PCLO: variants seen among roughly 807,000 people sequenced by gnomAD.
PCLO encodes protein piccolo.
In PCLO, 82 loss-of-function variants were observed where a neutral mutation model predicts 427.5. The ratio of observed to expected loss-of-function variants is 0.19; its 90% CI spans 0.16 to 0.23. PCLO has a LOEUF of 0.23. Ranked by LOEUF, PCLO falls within the 10% of genes least tolerant of loss-of-function variation. The pLI is 1.00. For synonymous variants in PCLO, 2,357 were observed against 2,155.4 expected, an observed-to-expected ratio of 1.09 and a Z score of -2.59; for missense variants, 6,239 against 6,115.9, an observed-to-expected ratio of 1.02 and a Z score of -0.67.
chr7:82,811,813 T>C (rs1049769336), intron 20 of PCLO, among the ~76,000 whole-genome samples: 3 of 151,540 alleles, frequency 2.0e-5, no homozygotes, highest in Non-Finnish European at 4.4e-5. Context: ...GAAACTCTGA[T>C]ATCTCTATCA....
intron 10 of PCLO, among the ~76,000 whole-genome samples, chr7:82,847,620 G>A (rs4483093): frequency 0.017 from 2,650 of 152,180 alleles, 88 homozygotes; most frequent in African/African-American, 0.06. Flanking sequence ...ATTTTCCTGC[G>A]GGGAACAAGC....
At chr7:82,979,680 A>G (rs6949577) in intron 3 of PCLO, among the ~76,000 whole-genome samples, 4,266 of 152,220 alleles carry the variant, frequency 0.028, 208 homozygotes, top group African/African-American at 0.098. Flanking sequence ...GCAATCTGAG[A>G]AAGTATAGAT....
At chr7:82,823,195 A>G (rs1349723361) in intron 19 of PCLO, among the ~76,000 whole-genome samples, 2 of 152,186 alleles carry the variant, frequency 1.3e-5, no homozygotes, top group African/African-American at 2.4e-5. Flanking sequence ...GTTAAGCAAG[A>G]TAAGAGTTGA....
intron 3 of PCLO, among the ~76,000 whole-genome samples, chr7:83,032,761 T>A (rs1300728980): frequency 6.6e-6 from 1 of 152,144 alleles, no homozygotes; most frequent in African/African-American, 2.4e-5. Context: ...CTTTTCTTTA[T>A]ACCCCACATC....
chr7:82,850,118 C>T (rs1224808518), intron 10 of PCLO, among the ~76,000 whole-genome samples: 1 of 152,092 alleles, frequency 6.6e-6, no homozygotes, highest in South Asian at 2.1e-4. Context: ...AAGTGATTCT[C>T]CTGCCTTAGG....
chr7:82,852,452 C>T (rs904310155), intron 10 of PCLO, among the ~76,000 whole-genome samples: 2 of 152,114 alleles, frequency 1.3e-5, no homozygotes, highest in Non-Finnish European at 2.9e-5. Context: ...CTGAGTCTTC[C>T]GGCCTTCATC....
rs1427253306 is a variant in PCLO, at chr7:83,038,072, T to TA, written c.3301-71586_3301-71585insT. On this transcript the variant is annotated intron_variant, in intron 3 of 24. Transcript: ENST00000333891. ...ATATCTTTATATATATATTTATATA[T>TA]TTATATATATATCTTTATATATATA... 1.3e-3 allele frequency among the ~76,000 whole-genome samples: 76 copies of TA among 58,840 alleles called. 2 individuals are homozygous for TA. Among genetic ancestry groups the TA allele is most frequent in the African/African-American group, 4.3e-3 (70 of 16,092 alleles). 38.6% of individuals were successfully genotyped at this position (58,840 alleles called of 152,430 possible). A position where few individuals can be genotyped will look rare whatever the true frequency, so the allele number is the denominator to read the frequency against.
In PCLO at chr7:83,155,323, G is replaced by A; in HGVS notation, c.1318C>T (p.Pro440Ser). Reference sequence around the variant, plus strand: ...TTTCCTGGCCCAGGCTGCTGAACTGGAGTCTTTGTAGGCCCAGGTGCCTTA... The same window carrying A: ...TTTCCTGGCCCAGGCTGCTGAACTGAAGTCTTTGTAGGCCCAGGTGCCTTA... ...PAKAPGPTKTPVQQPGPGKIP... is the reference protein window; with the variant it reads ...PAKAPGPTKTSVQQPGPGKIP... Residue 440 changes from proline to serine, a missense_variant, in exon 2 of 25, where the codon CCA becomes TCA. Around this residue, in one of 5 missense-constraint regions of PCLO, gnomAD observed 4,677 missense variants for 4,468.4 expected, o/e 1.05. Transcript: ENST00000333891. The A allele has an allele frequency of 6.2e-7, 1 of 1,613,564 alleles. No individual in the cohort carries two copies.
rs1461972771 is a variant in PCLO, at chr7:82,955,566, T to C, written c.5387A>G (p.Glu1796Gly). The change falls in exon 5 of 25, where the codon GAA becomes GGA. Residue 1796 changes from glutamate to glycine, a missense_variant. This residue lies in a region of PCLO where 4,677 missense variants were observed against 4,468.4 expected (regional missense o/e 1.05). Transcript: ENST00000333891. ...ACTAGAACTCTTTCTTTGTTGCTGT[T>C]CTATTTCCCTCTGCTTTTCTTGCTC... ...LKEQEKQREI[E>G]QQQRKSSSKK... 6.2e-7 allele frequency: 1 copy of C among 1,614,002 alleles called. No individual in the cohort carries two copies. The highest frequency in any genetic ancestry group is 2.2e-5 in the East Asian group (1 of 44,880).
intron 3 of PCLO, among the ~76,000 whole-genome samples, chr7:83,038,023 A>ATATATTTATT (rs1650355199): frequency 1.9e-5 from 1 of 52,824 alleles, no homozygotes; most frequent in African/African-American, 1.4e-4. Context: ...ATATATATAT[A>ATATATTTATT]TATATATTTA....
In PCLO at chr7:82,954,892, G is replaced by A; in HGVS notation, c.6061C>T (p.His2021Tyr). The A allele has an allele frequency of 6.2e-7, 1 of 1,613,844 alleles. No homozygotes were observed. The highest frequency in any genetic ancestry group is 1.1e-5 in the South Asian group (1 of 91,064). Reference protein sequence around the residue: ...QKEFYELESLHSVVPQEDIVS... With the variant: ...QKEFYELESLYSVVPQEDIVS... ...ATATCTTCCTGAGGCACAACAGAAT[G>A]TAAGCTTTCTAACTCATAAAACTCT... Residue 2021 changes from histidine to tyrosine, a missense_variant, in exon 5 of 25, where the codon CAT becomes TAT. His to Tyr is a moderately conservative substitution (Grantham distance 83). Coordinates refer to ENST00000333891, the MANE Select transcript of PCLO (RefSeq NM_033026.6).
chr7:82,795,555 TA>T (rs1305016226), intron 22 of PCLO, among the ~76,000 whole-genome samples: 4 of 152,154 alleles, frequency 2.6e-5, no homozygotes, highest in Non-Finnish European at 5.9e-5. Flanking sequence ...AAAATGTTGG[TA>T]AGTACAATGG....
intron 3 of PCLO, among the ~76,000 whole-genome samples, chr7:83,066,941 A>G (rs1005494802): frequency 1.2e-4 from 18 of 152,314 alleles, no homozygotes; most frequent in African/African-American, 4.3e-4. Flanking sequence ...GAAATGTTCC[A>G]AAATCCCAAA....
intron 3 of PCLO, among the ~76,000 whole-genome samples, chr7:83,093,202 A>G (rs1790425862): frequency 6.6e-6 from 1 of 151,586 alleles, no homozygotes. Context: ...TCAGTATGAA[A>G]TCAAAGAGAG....
rs1791556080 is a variant in PCLO, at chr7:82,810,938, G to T, written c.14792-5109C>A. Among the ~76,000 whole-genome samples the T allele has an allele frequency of 2.0e-5, 3 of 151,648 alleles. No homozygotes were observed. In the South Asian group the frequency reaches 6.2e-4, roughly 31 times the overall value. Reference sequence around the variant, plus strand: ...CATCCAGTTATCTGAAATTTAAAAGGCAAGGTCTCTGCCTATCCTACTAAA... The same window carrying T: ...CATCCAGTTATCTGAAATTTAAAAGTCAAGGTCTCTGCCTATCCTACTAAA... On this transcript the variant is annotated intron_variant, in intron 20 of 24. Transcript: ENST00000333891.
At chr7:82,888,632 G>A (rs1793683703) in intron 9 of PCLO, among the ~76,000 whole-genome samples, 1 of 151,900 alleles carries the variant, frequency 6.6e-6, no homozygotes, top group Non-Finnish European at 1.5e-5. Context: ...CTTAATAAAC[G>A]AAGCTATATT....
At chr7:82,905,954 G>A (rs192190115) in intron 8 of PCLO, among the ~76,000 whole-genome samples, 49 of 151,934 alleles carry the variant, frequency 3.2e-4, no homozygotes, top group African/African-American at 1.1e-3. Context: ...GGTTATCTGT[G>A]CAATTCACAA....
intron 22 of PCLO, among the ~76,000 whole-genome samples, chr7:82,774,082 TG>T (rs1790699605): frequency 6.6e-6 from 1 of 152,156 alleles, no homozygotes; most frequent in Non-Finnish European, 1.5e-5. Context: ...GGCTTTTTGT[TG>T]GGGTTAGTTC....
chr7:83,157,546 A>G (rs1792332413), intron 1 of PCLO, among the ~76,000 whole-genome samples: 1 of 151,856 alleles, frequency 6.6e-6, no homozygotes, highest in Non-Finnish European at 1.5e-5. Flanking sequence ...CCTTGGAAAC[A>G]TGATACATTT....
Sources: allele counts gnomAD v4.1 joint callset (sites outside exome capture counted in the v4.1 genomes callset), GRCh38; gene constraint gnomAD v4.1.1; regional missense constraint gnomAD v4.1.1; transcripts MANE v1.5; gene names NCBI Gene and HGNC (gene_info 2026-07-23, HGNC 2026-07-21).